ZNF197: variants seen among roughly 807,000 people sequenced by gnomAD.
The protein encoded by ZNF197 is zinc finger protein 197.
Under a neutral mutation model 27.4 loss-of-function variants are expected in ZNF197, and 14 were observed. That is an observed-to-expected ratio of 0.51 (90% CI 0.34 to 0.80). ZNF197 has a LOEUF of 0.80. Ranked by LOEUF, ZNF197 falls within the 30% of genes least tolerant of loss-of-function variation. The pLI, the probability that ZNF197 is intolerant of heterozygous loss-of-function variation, is 0.02. For synonymous variants in ZNF197, 415 were observed against 420.0 expected (o/e 0.99, Z 0.15); for missense variants, 1,090 against 1,222.6 (o/e 0.89, Z 1.62).
intron 1 of ZNF197, among the ~76,000 whole-genome samples, chr3:44,627,705 C>T (rs2125791427): frequency 6.6e-6 from 1 of 151,898 alleles, no homozygotes; most frequent in African/African-American, 2.4e-5. Context: ...GTGGTGCGAG[C>T]CTGTAGTACC....
chr3:44,641,223 C>T (rs1702584282), intron 5 of ZNF197, among the ~76,000 whole-genome samples: 1 of 152,058 alleles, frequency 6.6e-6, no homozygotes, highest in Non-Finnish European at 1.5e-5. Flanking sequence ...TCTATTTTCC[C>T]TTTTCTTTTC....
Position 44,625,127 on chromosome 3 carries a change from C to T in ZNF197, c.-98C>T, listed in dbSNP as rs1000597474. 6.6e-6 allele frequency: 1 copy of T among 152,192 alleles called. No individual in the cohort carries two copies. Among genetic ancestry groups the T allele is most frequent in the Non-Finnish European group, 1.5e-5 (1 of 68,050 alleles). The allele number at this position is 152,192 out of a possible 1,614,324, so 9.4% of individuals were successfully genotyped here. ...AGGCGGCGGTACGCAAGGCTGGAGC[C>T]GCAGCGGGAGCCCCCGGTGAGCGGG... On this transcript the variant is annotated 5_prime_UTR_variant, in exon 1 of 6. Transcript: ENST00000344387.
Position 44,629,059 on chromosome 3 carries a change from C to A in ZNF197, c.-81-15C>A. 1 of 1,501,152 alleles carries A rather than the reference C, an allele frequency of 6.7e-7. No individual in the cohort carries two copies. The highest frequency in any genetic ancestry group is 8.9e-7 in the Non-Finnish European group (1 of 1,125,456). The allele number at this position is 1,501,152 out of a possible 1,614,324, so 93.0% of individuals were successfully genotyped here. ...TCTGGGCTAACTTTAACAATGATTT[C>A]TTGAGGTCTTGTAGATGATACTCTC... On this transcript the variant is annotated splice_polypyrimidine_tract_variant and intron_variant, in intron 1 of 5. Coordinates refer to ENST00000344387, the MANE Select transcript of ZNF197 (RefSeq NM_006991.5).
Position 44,646,048 on chromosome 3 carries a change from C to G in ZNF197, c.*1828C>G, listed in dbSNP as rs899195336. On this transcript the variant is annotated 3_prime_UTR_variant, in exon 6 of 6. Coordinates refer to ENST00000344387, the MANE Select transcript of ZNF197 (RefSeq NM_006991.5). ...CATAAATGTTATTAATTCAACCCCA[C>G]AGTTTCTTGGGGGCTGGTTCCTCAT... is the stretch of plus-strand genomic sequence containing the variant. 2 of 985,260 alleles carry G rather than the reference C, an allele frequency of 2.0e-6. No individual in the cohort carries two copies. Among genetic ancestry groups the G allele is most frequent in the Non-Finnish European group, 2.4e-6 (2 of 829,924 alleles). The allele number at this position is 985,260 out of a possible 1,614,324, so 61.0% of individuals were successfully genotyped here.
Position 44,643,006 on chromosome 3 carries a change from G to C in ZNF197, c.1876G>C (p.Glu626Gln). The C allele has an allele frequency of 6.2e-7, 1 of 1,614,090 alleles. No individual in the cohort carries two copies. Among genetic ancestry groups the C allele is most frequent in the East Asian group, 2.2e-5 (1 of 44,868 alleles). ...HSREKPYKCTECGKAFTQSAY... is the reference protein window; with the variant it reads ...HSREKPYKCTQCGKAFTQSAY... ...CAGAGAGAAACCTTACAAATGCACT[G>C]AATGTGGGAAAGCCTTTACTCAAAG... Residue 626 changes from glutamate to glutamine, a missense_variant, in exon 6 of 6, where the codon GAA becomes CAA. Transcript: ENST00000344387.
chr3:44,632,118 T>C lies in ZNF197; in HGVS notation c.564T>C (p.Pro188=). ...LQDPQHDSPA[P]EASALSQEEN... is the part of the protein sequence containing the mutation. ...CTCCCTCCTCAGATTCTCCTGCCCCTGAAGCTTCTGCCCTTTCCCAGGAAG... is the reference window on the plus strand; with the variant it reads ...CTCCCTCCTCAGATTCTCCTGCCCCCGAAGCTTCTGCCCTTTCCCAGGAAG... Residue 188 remains proline (P), a synonymous_variant, in exon 4 of 6, where the codon CCT becomes CCC. Coordinates refer to ENST00000344387, the MANE Select transcript of ZNF197 (RefSeq NM_006991.5). 6.2e-7 allele frequency: 1 copy of C among 1,614,124 alleles called. No homozygotes were observed. Among genetic ancestry groups the C allele is most frequent in the South Asian group, 1.1e-5 (1 of 91,084 alleles).
Position 44,641,926 on chromosome 3 carries a change from G to C in ZNF197, c.796G>C (p.Glu266Gln), listed in dbSNP as rs765604314. ...LEWETMTENE[E>Q]VTSKPSSSQR... ...ATGGGAGACCATGACCGAGAATGAG[G>C]AGGTGACATCAAAGCCAAGTAGTTC... The change falls in exon 6 of 6, where the codon GAG becomes CAG. Residue 266 changes from glutamate (E) to glutamine (Q), a missense_variant. By Grantham distance (29) the Glu-to-Gln change is conservative. Transcript: ENST00000344387. 1.2e-6 allele frequency: 2 copies of C among 1,602,656 alleles called. No individual in the cohort carries two copies. The highest frequency in any genetic ancestry group is 1.3e-5 in the African/African-American group (1 of 74,088).
intron 3 of ZNF197, among the ~76,000 whole-genome samples, chr3:44,631,878 T>G (rs535204974): frequency 3.4e-4 from 52 of 152,210 alleles, no homozygotes; most frequent in African/African-American, 1.2e-3. Flanking sequence ...TTTTTTTGTA[T>G]TTTTAGTAGA....
At position 44,642,569 on chromosome 3, in the gene ZNF197, G is replaced by C. The variant is rs758759580; in HGVS notation, c.1439G>C (p.Arg480Thr). Reference protein sequence around the residue: ...IIHLRRHSGERPYKCNECGKV... With the variant: ...IIHLRRHSGETPYKCNECGKV... ...CATCTAAGGCGCCATTCAGGGGAGA[G>C]ACCTTATAAGTGTAATGAATGTGGG... Residue 480 changes from arginine to threonine, a missense_variant, in exon 6 of 6, where the codon AGA becomes ACA. Physicochemically the swap from Arg to Thr is moderately conservative, Grantham distance 71. Coordinates refer to ENST00000344387, the MANE Select transcript of ZNF197 (RefSeq NM_006991.5). 2 of 1,613,856 alleles carry C rather than the reference G, an allele frequency of 1.2e-6. No homozygotes were observed. Among genetic ancestry groups the C allele is most frequent in the South Asian group, 2.2e-5 (2 of 91,070 alleles).
chr3:44,636,607 C>A (rs918616506), intron 5 of ZNF197, among the ~76,000 whole-genome samples: 9 of 152,140 alleles, frequency 5.9e-5, no homozygotes, highest in Non-Finnish European at 1.2e-4. Context: ...GATGTATCTC[C>A]CATTTATCAG....
rs777335621 is a variant in ZNF197, at chr3:44,642,621, C to T, written c.1491C>T (p.Leu497=). The T allele has an allele frequency of 6.2e-7, 1 of 1,613,966 alleles. No homozygotes were observed. ...AAGTCTTCTCTCAGAATGCTTACCT[C>T]ATTGACCATCAGAGGCTCCACAAAG... The part of the protein sequence containing the change: ...CGKVFSQNAY[L]IDHQRLHKGE... Residue 497 remains leucine (L), a synonymous_variant, in exon 6 of 6, where the codon CTC becomes CTT. Transcript: ENST00000344387.
At chr3:44,630,399 T>C (rs1463096610) in intron 2 of ZNF197, among the ~76,000 whole-genome samples, 2 of 152,184 alleles carry the variant, frequency 1.3e-5, no homozygotes, top group Non-Finnish European at 2.9e-5. Context: ...TAGCCTCTCA[T>C]GTGTGTGAGA....
Position 44,646,565 on chromosome 3 carries a change from A to G in ZNF197, c.*2345A>G, listed in dbSNP as rs1258498292. On this transcript the variant is annotated 3_prime_UTR_variant, in exon 6 of 6. Transcript: ENST00000344387. Reference sequence around the variant, plus strand: ...AACAGACACATCCAGAACGTGGAATATTGCATAAGAAAGCTGCCCTGGATT... The same window carrying G: ...AACAGACACATCCAGAACGTGGAATGTTGCATAAGAAAGCTGCCCTGGATT... 4.6e-6 allele frequency: 5 copies of G among 1,093,976 alleles called. No homozygotes were observed. The highest frequency in any genetic ancestry group is 3.4e-5 in the Admixed American group (2 of 58,996). 67.8% of individuals were successfully genotyped at this position (1,093,976 alleles called of 1,614,324 possible).
chr3:44,629,125 C>T lies in ZNF197; in HGVS notation c.-30C>T, dbSNP rs73074478. The T allele has an allele frequency of 6.3e-7, 1 of 1,579,526 alleles. No individual in the cohort carries two copies. The highest frequency in any genetic ancestry group is 8.6e-7 in the Non-Finnish European group (1 of 1,167,054). On this transcript the variant is annotated 5_prime_UTR_variant, in exon 2 of 6. Coordinates refer to ENST00000344387, the MANE Select transcript of ZNF197 (RefSeq NM_006991.5). ...AAGTCAAGGATTAAGGAGACCTGGA[C>T]TGGAGAGGAGCCTTTTTCAAAAAAC...
Position 44,632,546 on chromosome 3 carries a change from G to T in ZNF197, c.716G>T (p.Arg239Met). The T allele has an allele frequency of 6.2e-7, 1 of 1,610,332 alleles. No individual in the cohort carries two copies. Among genetic ancestry groups the T allele is most frequent in the East Asian group, 2.2e-5 (1 of 44,824 alleles). Residue 239 changes from arginine to methionine, a missense_variant, in exon 5 of 6, where the codon AGG becomes ATG. Arg to Met is a moderately conservative substitution (Grantham distance 91). Transcript: ENST00000344387. ...TGGGCATGTCTGGGCCCAATCCAGA[G>T]GGCCTTGTACTGGGATGTGATGCTG... ...EEWACLGPIQ[R>M]ALYWDVMLEN... is the part of the protein sequence containing the mutation.
chr3:44,625,425 T>G (rs1701589463), intron 1 of ZNF197, among the ~76,000 whole-genome samples: 1 of 152,164 alleles, frequency 6.6e-6, no homozygotes, highest in African/African-American at 2.4e-5. Flanking sequence ...AAGAGCTGCC[T>G]CAGTAGCCTG....
rs1190829207 is a variant in ZNF197 at position 44,637,490 on chromosome 3, G to GT, written c.770-4400dup. On this transcript the variant is annotated intron_variant, in intron 5 of 5. Transcript: ENST00000344387. ...AAGTCATTAATTGTGATGAATTCCAGTTTTTTTTTTCTTTTGTTGCTTCTG... is the reference window on the plus strand; with the variant it reads ...AAGTCATTAATTGTGATGAATTCCAGTTTTTTTTTTTCTTTTGTTGCTTCTG... Among the ~76,000 whole-genome samples the GT allele has an allele frequency of 7.4e-4, 111 of 149,172 alleles. 1 individual carries two copies. The highest frequency in any genetic ancestry group is 1.9e-3 in the African/African-American group (77 of 40,794).
rs114938098 is a variant in ZNF197 at position 44,642,726 on chromosome 3, C to T, written c.1596C>T (p.His532=). 2,772 of 1,613,850 alleles carry T rather than the reference C, an allele frequency of 1.7e-3. 51 individuals are homozygous for T. In the African/African-American group the frequency reaches 0.033, roughly 19 times the overall value. The change falls in exon 6 of 6, where the codon CAC becomes CAT. Residue 532 remains histidine, a synonymous_variant. Transcript: ENST00000344387. The stretch of plus-strand genomic sequence containing the variant: ...GCCTCATTCTGCACCAGAGAATCCA[C>T]TCTGGGGAAAAACCCTATAAATGTG... The part of the protein sequence containing the change: ...KKSLILHQRI[H]SGEKPYKCDE...
At position 44,629,466 on chromosome 3, in the gene ZNF197, C is replaced by T. The variant is rs1701858833; in HGVS notation, c.312C>T (p.Leu104=). The change falls in exon 2 of 6, where the codon CTC becomes CTT. Residue 104 remains leucine (L), a synonymous_variant. Transcript: ENST00000344387. ...GGGAGATTCGGACCTGGGTACAGCT[C>T]CATCACCCTGGAAGTGGCGAGGAGG... ...LPGEIRTWVQ[L]HHPGSGEEAV... The T allele has an allele frequency of 1.9e-6, 3 of 1,612,064 alleles. No homozygotes were observed. Among genetic ancestry groups the T allele is most frequent in the Middle Eastern group, 1.6e-4 (1 of 6,066 alleles).
Sources: allele counts gnomAD v4.1 joint callset (sites outside exome capture counted in the v4.1 genomes callset), GRCh38; gene constraint gnomAD v4.1.1; transcripts MANE v1.5; gene names NCBI Gene and HGNC (gene_info 2026-07-23, HGNC 2026-07-21).